Variants in RIF1 observed in about 807,000 individuals in gnomAD.
The protein encoded by RIF1 is replication timing regulatory factor 1.
RIF1 carries 45 observed loss-of-function variants against 247.1 expected under a neutral mutation model. That is an observed-to-expected ratio of 0.18 (90% CI 0.14 to 0.23). The LOEUF (loss-of-function observed/expected upper bound fraction) is 0.23. RIF1 is among the 10% of genes least tolerant of loss of function. RIF1 has a pLI of 1.00. For synonymous variants in RIF1, 1,087 were observed against 978.8 expected (o/e 1.11, Z -2.06); for missense variants, 2,967 against 2,862.5 (o/e 1.04, Z -0.83).
chr2:151,453,393 A>G (rs1657689179), intron 21 of RIF1, among the ~76,000 whole-genome samples: 1 of 152,092 alleles, frequency 6.6e-6, no homozygotes, highest in Non-Finnish European at 1.5e-5. Flanking sequence ...CCTGGCCAAC[A>G]GGGCTACAAC....
chr2:151,438,291 A>G (rs1206934913), intron 13 of RIF1, among the ~76,000 whole-genome samples: 8 of 152,212 alleles, frequency 5.3e-5, no homozygotes, highest in Admixed American at 4.6e-4. Flanking sequence ...CCAGCCTAGG[A>G]AATGTAGTGA....
intron 12 of RIF1, among the ~76,000 whole-genome samples, chr2:151,505,245 G>T (rs988385252): frequency 3.3e-5 from 5 of 152,160 alleles, no homozygotes; most frequent in African/African-American, 1.2e-4. Flanking sequence ...TGAGCTTCAA[G>T]TCAGTGACAG....
At chr2:151,442,767 A>AT (rs59128582) in intron 16 of RIF1, among the ~76,000 whole-genome samples, 16,949 of 103,726 alleles carry the variant, frequency 0.16, 2,071 homozygotes, top group East Asian at 0.3. Context: ...AAAGAGCTTG[A>AT]TTTTTTTTTT....
chr2:151,464,079 A>G lies in RIF1; in HGVS notation c.4559A>G (p.Asp1520Gly), dbSNP rs1386232752. ...NIKSEGDGTQ[D>G]IVDKSSEKLV... ...AAGTCTGAGGGGGATGGTACCCAGG[A>G]CATTGTAGATAAGTCCTCTGAGAAA... The change falls in exon 30 of 36, where the codon GAC becomes GGC. Residue 1520 changes from aspartate to glycine, a missense_variant. Physicochemically the swap from Asp to Gly is moderately conservative, Grantham distance 94. Transcript: ENST00000444746. 1.2e-6 allele frequency: 2 copies of G among 1,613,048 alleles called. No homozygotes were observed. The highest frequency in any genetic ancestry group is 2.2e-5 in the East Asian group (1 of 44,886).
At chr2:151,444,659 G>A (rs117145245) in intron 18 of RIF1, among the ~76,000 whole-genome samples, 1 of 152,234 alleles carries the variant, frequency 6.6e-6, no homozygotes, top group South Asian at 2.1e-4. Flanking sequence ...CTATTCTTCT[G>A]GAAGAAAAGT....
chr2:151,459,611 T>C (rs1009937157), intron 25 of RIF1, among the ~76,000 whole-genome samples: 4 of 152,224 alleles, frequency 2.6e-5, no homozygotes, highest in African/African-American at 9.6e-5. Context: ...AGGGGAAATA[T>C]GCTCTGTCAT....
intron 25 of RIF1, 131 bp downstream of exon 25, chr2:151,459,041 G>T: frequency 1.9e-6 from 1 of 538,724 alleles, no homozygotes. Flanking sequence ...CAGTGGTGTG[G>T]CCTGAAATTT....
chr2:151,489,254 T>C (rs548652177), intron 9 of RIF1, among the ~76,000 whole-genome samples: 2 of 152,300 alleles, frequency 1.3e-5, no homozygotes, highest in African/African-American at 4.8e-5. Flanking sequence ...TTTGAGGATA[T>C]TATGAATGAG....
chr2:151,492,195 GTTC>G lies in RIF1; in HGVS notation c.*416-3028_*416-3026del, dbSNP rs755822172. The G allele has an allele frequency of 1.1e-5, 18 of 1,613,674 alleles. No homozygotes were observed. In the Admixed American group the frequency reaches 2.3e-4, roughly 21 times the overall value. Reference sequence around the variant, plus strand: ...AGTTAATGTCACTGAAGTCCTGCATGTTCTTCTTTACTCGTTCAGTGATAGGAT... The same window carrying G: ...AGTTAATGTCACTGAAGTCCTGCATGTTCTTTACTCGTTCAGTGATAGGAT... On this transcript the variant is annotated intron_variant and NMD_transcript_variant, in intron 9 of 13. Coordinates refer to the RIF1 transcript ENST00000454583.
intron 10 of RIF1, among the ~76,000 whole-genome samples, chr2:151,498,538 A>C (rs1265667080): frequency 2.0e-5 from 3 of 152,200 alleles, no homozygotes; most frequent in African/African-American, 7.2e-5. Context: ...GGAATGCAGG[A>C]AAGAGCAGCA....
chr2:151,416,358 A>T (rs1687224701), intron 4 of RIF1, among the ~76,000 whole-genome samples: 1 of 151,976 alleles, frequency 6.6e-6, no homozygotes, highest in African/African-American at 2.4e-5. Flanking sequence ...CTGTTGTTTT[A>T]TTTTCTCTCA....
Position 151,466,039 on chromosome 2 carries a change from T to C in RIF1, c.6519T>C (p.Pro2173=). 1 of 1,613,668 alleles carries C rather than the reference T, an allele frequency of 6.2e-7. No individual in the cohort carries two copies. The highest frequency in any genetic ancestry group is 8.5e-7 in the Non-Finnish European group (1 of 1,179,720). ...SGMQTRCVWS[P]LASPSTSILK... The stretch of plus-strand genomic sequence containing the variant: ...TGCAGACACGCTGTGTCTGGTCTCC[T>C]TTGGCTTCTCCGTCTACGAGCATTT... The change falls in exon 30 of 36, where the codon CCT becomes CCC. Residue 2173 remains proline (P), a synonymous_variant. Transcript: ENST00000444746.
chr2:151,524,908 T>C, the RIF1 span, among the ~76,000 whole-genome samples: 40 of 152,050 alleles, frequency 2.6e-4, no homozygotes, highest in Admixed American at 2.6e-4. Flanking sequence ...CCTCGTGATC[T>C]GCCTGTCTTG....
At chr2:151,445,296 A>G (rs771567957) in intron 18 of RIF1, 42 bp from the exon 19 acceptor site, 2 of 1,095,216 alleles carry the variant, frequency 1.8e-6, no homozygotes, top group South Asian at 1.2e-5. Flanking sequence ...GGATTAGAAT[A>G]AGATGGTAAT....
intron 14 of RIF1, among the ~76,000 whole-genome samples, chr2:151,439,390 C>T (rs967939053): frequency 1.3e-5 from 2 of 152,108 alleles, no homozygotes; most frequent in African/African-American, 2.4e-5. Flanking sequence ...TCTAGCCGGG[C>T]GCGGTGGCTC....
chr2:151,424,972 C>T (rs1688789098), intron 8 of RIF1, among the ~76,000 whole-genome samples: 1 of 151,392 alleles, frequency 6.6e-6, no homozygotes. Flanking sequence ...GCCACTTGAA[C>T]CAGCCAGCAC....
intron 18 of RIF1, among the ~76,000 whole-genome samples, chr2:151,444,326 T>C (rs1413170318): frequency 2.0e-5 from 3 of 152,212 alleles, no homozygotes; most frequent in African/African-American, 7.2e-5. Context: ...TTTGTTGTTG[T>C]TGAGTTGGAA....
At chr2:151,447,071 G>GTAGC (rs1269710157) in intron 20 of RIF1, among the ~76,000 whole-genome samples, 1 of 151,404 alleles carries the variant, frequency 6.6e-6, no homozygotes, top group Non-Finnish European at 1.5e-5. Flanking sequence ...AGCCTCCCGA[G>GTAGC]TAGCTGGGAC....
rs1414739537 is a variant in RIF1, at chr2:151,478,814, T to G, written c.*3743T>G. On this transcript the variant is annotated 3_prime_UTR_variant, in exon 36 of 36. Transcript: ENST00000444746. ...TTCTTCATAATTGATTTTCAAGAAGTTAATTTGTCATTCAGCCTAGGAGGC... is the reference window on the plus strand; with the variant it reads ...TTCTTCATAATTGATTTTCAAGAAGGTAATTTGTCATTCAGCCTAGGAGGC... 6.6e-6 allele frequency: 1 copy of G among 152,178 alleles called. No individual in the cohort carries two copies. Among genetic ancestry groups the G allele is most frequent in the Non-Finnish European group, 1.5e-5 (1 of 68,032 alleles). The allele number at this position is 152,178 out of a possible 1,614,324, so 9.4% of individuals were successfully genotyped here.
Sources: gnomAD v4.1 joint callset for allele counts (sites outside exome capture counted in the v4.1 genomes callset) on GRCh38, gnomAD v4.1.1 for gene constraint, MANE v1.5 for transcripts, NCBI Gene and HGNC (gene_info 2026-07-23, HGNC 2026-07-21) for gene names.